CNTNAP5: variants seen among roughly 807,000 people sequenced by gnomAD.
CNTNAP5 encodes contactin associated protein family member 5, also known as contactin-associated protein-like 5.
Under a neutral mutation model 150.2 loss-of-function variants are expected in CNTNAP5, and 72 were observed. The observed-to-expected ratio is 0.48, with a 90% CI of 0.40 to 0.58. CNTNAP5 has a LOEUF of 0.58. Ranked by LOEUF, CNTNAP5 falls within the 20% of genes least tolerant of loss-of-function variation. The pLI, the probability that CNTNAP5 is intolerant of heterozygous loss-of-function variation, is 0.00. For synonymous variants in CNTNAP5, 672 were observed against 619.8 expected (o/e 1.08, Z -1.25); for missense variants, 1,636 against 1,626.2 (o/e 1.01, Z -0.10).
At chr2:124,486,736 G>A (rs1693889270) in intron 7 of CNTNAP5, among the ~76,000 whole-genome samples, 1 of 152,138 alleles carries the variant, frequency 6.6e-6, no homozygotes, top group African/African-American at 2.4e-5. Flanking sequence ...CTAGGCTCTT[G>A]TAATTAGTAA....
intron 1 of CNTNAP5, among the ~76,000 whole-genome samples, chr2:124,165,782 C>T (rs753226921): frequency 6.6e-6 from 1 of 152,164 alleles, no homozygotes; most frequent in Non-Finnish European, 1.5e-5. Flanking sequence ...TCTGTCCCTG[C>T]CTCTACGATT....
At chr2:124,117,732 T>C (rs1411029286) in intron 1 of CNTNAP5, among the ~76,000 whole-genome samples, 1 of 152,160 alleles carries the variant, frequency 6.6e-6, no homozygotes, top group Non-Finnish European at 1.5e-5. Flanking sequence ...ACGAAATTGA[T>C]TAAATCACTT....
At chr2:124,519,594 A>G (rs1694808407) in intron 8 of CNTNAP5, among the ~76,000 whole-genome samples, 1 of 152,210 alleles carries the variant, frequency 6.6e-6, no homozygotes, top group Non-Finnish European at 1.5e-5. Context: ...TTTCTCTGTT[A>G]CATCTATTAC....
At chr2:124,234,339 A>T (rs531550367) in intron 2 of CNTNAP5, among the ~76,000 whole-genome samples, 4 of 152,212 alleles carry the variant, frequency 2.6e-5, no homozygotes, top group Non-Finnish European at 4.4e-5. Context: ...ACTGGCCGAT[A>T]GAAAATTCTG....
At position 124,458,235 on chromosome 2, in the gene CNTNAP5, T is replaced by TTA. The variant is rs59860511; in HGVS notation, c.918+11305_918+11306dup. On this transcript the variant is annotated intron_variant, in intron 6 of 23. Transcript: ENST00000682447. ...ATATAATATATATAATAAATATATA[T>TTA]TATATATAATATAAAATATATATTA... Among the ~76,000 whole-genome samples the TTA allele has an allele frequency of 4.9e-3, 719 of 146,372 alleles. 5 individuals are homozygous for TTA. The highest frequency in any genetic ancestry group is 0.017 in the African/African-American group (683 of 40,098).
At chr2:124,398,154 T>C (rs1030676586) in intron 3 of CNTNAP5, among the ~76,000 whole-genome samples, 1 of 152,212 alleles carries the variant, frequency 6.6e-6, no homozygotes, top group African/African-American at 2.4e-5. Context: ...GTGCCAGGGA[T>C]GCAAAATGAA....
At chr2:124,680,778 T>A (rs1679049117) in intron 13 of CNTNAP5, 1 of 151,904 alleles carries the variant, frequency 6.6e-6, no homozygotes, top group Non-Finnish European at 1.5e-5. Flanking sequence ...GTTGTAAGGA[T>A]GATGCTAATG....
chr2:124,786,567 A>C, intron 17 of CNTNAP5, among the ~76,000 whole-genome samples: 1 of 151,470 alleles, frequency 6.6e-6, no homozygotes, highest in East Asian at 1.9e-4. Flanking sequence ...GAAAGAAGAC[A>C]GAGAGAAAGA....
intron 13 of CNTNAP5, among the ~76,000 whole-genome samples, chr2:124,684,302 C>T (rs1053244811): frequency 1.3e-5 from 2 of 152,120 alleles, no homozygotes; most frequent in African/African-American, 4.8e-5. Flanking sequence ...GGCTATAAGA[C>T]CAGAGCTAGG....
chr2:124,159,057 A>T (rs992391087), intron 1 of CNTNAP5, among the ~76,000 whole-genome samples: 3 of 152,220 alleles, frequency 2.0e-5, no homozygotes, highest in Non-Finnish European at 4.4e-5. Flanking sequence ...AGAGACATTT[A>T]TACTTCAGGG....
intron 3 of CNTNAP5, among the ~76,000 whole-genome samples, chr2:124,301,734 G>C (rs2104646651): frequency 6.6e-6 from 1 of 152,216 alleles, no homozygotes; most frequent in Non-Finnish European, 1.5e-5. Flanking sequence ...AGCAACTGTT[G>C]CCATTTTGCC....
chr2:124,406,836 C>CT (rs1374987100), intron 3 of CNTNAP5, among the ~76,000 whole-genome samples: 6 of 152,154 alleles, frequency 3.9e-5, no homozygotes, highest in Non-Finnish European at 8.8e-5. Flanking sequence ...ATTAACCAAT[C>CT]TTTTTTCATC....
chr2:124,040,287 G>C (rs920572340), intron 1 of CNTNAP5, among the ~76,000 whole-genome samples: 1 of 152,112 alleles, frequency 6.6e-6, no homozygotes, highest in Non-Finnish European at 1.5e-5. Context: ...CCACAATCAG[G>C]AGATCGTGAT....
intron 1 of CNTNAP5, among the ~76,000 whole-genome samples, chr2:124,152,701 G>C (rs1201857231): frequency 6.6e-6 from 1 of 152,168 alleles, no homozygotes; most frequent in Non-Finnish European, 1.5e-5. Flanking sequence ...CGATGTCACA[G>C]CCAGTGTGTT....
intron 17 of CNTNAP5, among the ~76,000 whole-genome samples, chr2:124,786,347 G>GA (rs1681571286): frequency 9.9e-6 from 1 of 101,166 alleles, no homozygotes; most frequent in East Asian, 2.7e-4. Flanking sequence ...AAGAAAGAAA[G>GA]AAAGGAAGAA....
intron 1 of CNTNAP5, among the ~76,000 whole-genome samples, chr2:124,196,614 T>C (rs1358785442): frequency 6.6e-6 from 1 of 152,198 alleles, no homozygotes; most frequent in Non-Finnish European, 1.5e-5. Context: ...CCATGTGTTG[T>C]CTTGAACCCC....
At chr2:124,096,023 G>T (rs929248362) in intron 1 of CNTNAP5, among the ~76,000 whole-genome samples, 36 of 152,084 alleles carry the variant, frequency 2.4e-4, no homozygotes, top group Admixed American at 1.9e-3. Flanking sequence ...TCTTCAAACT[G>T]CTCTTAAAGA....
intron 11 of CNTNAP5, among the ~76,000 whole-genome samples, chr2:124,566,993 C>T (rs550601171): frequency 6.6e-6 from 1 of 152,234 alleles, no homozygotes; most frequent in East Asian, 1.9e-4. Flanking sequence ...AGGAATTGAC[C>T]ACAGTCGAAA....
chr2:124,406,464 C>T (rs1284956699), intron 3 of CNTNAP5, among the ~76,000 whole-genome samples: 9 of 152,098 alleles, frequency 5.9e-5, no homozygotes, highest in African/African-American at 2.2e-4. Context: ...GCAAACATTA[C>T]AAGATATTAT....
Sources: gnomAD v4.1 joint callset for allele counts (sites outside exome capture counted in the v4.1 genomes callset) on GRCh38, gnomAD v4.1.1 for gene constraint, MANE v1.5 for transcripts, NCBI Gene and HGNC (gene_info 2026-07-23, HGNC 2026-07-21) for gene names.